The following CDKN2B variants were observed in gnomAD, a reference collection of about 807,000 sequenced individuals.
CDKN2B encodes cyclin dependent kinase inhibitor 2B, also known as cyclin-dependent kinase 4 inhibitor B.
Under a neutral mutation model 7.7 loss-of-function variants are expected in CDKN2B, and 8 were observed. The ratio of observed to expected loss-of-function variants is 1.04; its 90% CI spans 0.61 to 1.87. The LOEUF is 1.87. Among genes scored for constraint, CDKN2B ranks in the 40% most tolerant of loss-of-function variants. The pLI, the probability that CDKN2B is intolerant of heterozygous loss-of-function variation, is 0.00. For synonymous variants in CDKN2B, 93 were observed against 95.8 expected (o/e 0.97, Z 0.17); for missense variants, 244 against 213.1 (o/e 1.15, Z -0.90).
At position 22,006,488 on chromosome 9, in the gene CDKN2B, A is replaced by G. The variant is rs1821195614; in HGVS notation, c.157-241T>C. 6.6e-6 allele frequency among the ~76,000 whole-genome samples: 1 copy of G among 152,240 alleles called. No homozygotes were observed. The highest frequency in any genetic ancestry group is 1.5e-5 in the Non-Finnish European group (1 of 68,042). ...ATGCCATTTTATTCTCTAAACGTGCAGAGACAAGAAAGTTGATGGTAAAGT... is the reference window on the plus strand; with the variant it reads ...ATGCCATTTTATTCTCTAAACGTGCGGAGACAAGAAAGTTGATGGTAAAGT... On this transcript the variant is annotated intron_variant, in intron 1 of 1. Coordinates refer to ENST00000276925, the MANE Select transcript of CDKN2B (RefSeq NM_004936.4). This position sits in a 1 kb window ranked among gnomAD's most constrained non-coding sequence, Gnocchi z 6.4.
chr9:22,008,703 T>C (rs1190127826), intron 1 of CDKN2B, 95 bp downstream of exon 1: 1 of 1,611,410 alleles, frequency 6.2e-7, no homozygotes, highest in Admixed American at 1.7e-5. Context: ...CCTGTACAAA[T>C]CTACATCGGC....
In CDKN2B at chr9:22,005,505, C is replaced by T; in HGVS notation, c.*482G>A. On this transcript the variant is annotated 3_prime_UTR_variant, in exon 2 of 2. Transcript: ENST00000276925. This position sits in a 1 kb window ranked among gnomAD's most constrained non-coding sequence, Gnocchi z 4.9. Reference sequence around the variant, plus strand: ...GTCCTCAGTCTTCAGGTTTTCCTTTCTGCCGCTAGGGCCTAAGTTGTGGGT... The same window carrying T: ...GTCCTCAGTCTTCAGGTTTTCCTTTTTGCCGCTAGGGCCTAAGTTGTGGGT... The T allele has an allele frequency of 3.6e-6, 1 of 274,274 alleles. No individual in the cohort carries two copies. The highest frequency in any genetic ancestry group is 5.3e-5 in the East Asian group (1 of 18,932). The allele number at this position is 274,274 out of a possible 1,614,324, so 17.0% of individuals were successfully genotyped here.
At position 22,005,910 on chromosome 9, in the gene CDKN2B, T is replaced by G; in HGVS notation, c.*77A>C. ...TTTCCGCCGCTCCCCGTTGGCAGCC[T>G]TCATCGAATTAGGTGGGTGGGGGTG... is the stretch of plus-strand genomic sequence containing the variant. On this transcript the variant is annotated 3_prime_UTR_variant, in exon 2 of 2. Coordinates refer to ENST00000276925, the MANE Select transcript of CDKN2B (RefSeq NM_004936.4). The surrounding 1 kb of genome is among the most constrained non-coding windows in gnomAD (Gnocchi z 4.9). 2.6e-6 allele frequency: 4 copies of G among 1,559,206 alleles called. No homozygotes were observed. Among genetic ancestry groups the G allele is most frequent in the Middle Eastern group, 2.1e-4 (1 of 4,746 alleles).
In CDKN2B at chr9:22,009,279, C is replaced by T. The variant is rs989710732; in HGVS notation, c.-326G>A. ...GGGTGCGGACGCGTCGCGGAGTCCT[C>T]ACTGCCCCGCCTCGCTCTGGCAGAG... is the stretch of plus-strand genomic sequence containing the variant. On this transcript the variant is annotated 5_prime_UTR_variant, in exon 1 of 2. Transcript: ENST00000276925. The T allele has an allele frequency of 1.2e-5, 6 of 497,212 alleles. No homozygotes were observed. In the South Asian group the frequency reaches 1.3e-4, roughly 11 times the overall value. 30.8% of individuals were successfully genotyped at this position (497,212 alleles called of 1,614,324 possible). A position where few individuals can be genotyped will look rare whatever the true frequency, so the allele number is the denominator to read the frequency against.
upstream of CDKN2B, chr9:22,009,307 G>T: frequency 2.3e-6 from 1 of 432,772 alleles, no homozygotes; most frequent in Non-Finnish European, 4.1e-6. Context: ...TGGCAGAGTG[G>T]GGAGCCAGCC....
At position 22,003,816 on chromosome 9, in the gene CDKN2B, C is replaced by T. The variant is rs1821039728; in HGVS notation, c.*2171G>A. The T allele has an allele frequency of 4.3e-6, 1 of 231,594 alleles. No individual in the cohort carries two copies. Among genetic ancestry groups the T allele is most frequent in the African/African-American group, 2.2e-5 (1 of 45,334 alleles). 14.3% of individuals were successfully genotyped at this position (231,594 alleles called of 1,614,324 possible). Reference sequence around the variant, plus strand: ...TTTTCAAACAAACCGTTTATATTTACTAGAAGTTAGAGAAAGAAAAGCCAC... The same window carrying T: ...TTTTCAAACAAACCGTTTATATTTATTAGAAGTTAGAGAAAGAAAAGCCAC... On this transcript the variant is annotated 3_prime_UTR_variant, in exon 2 of 2. Coordinates refer to ENST00000276925, the MANE Select transcript of CDKN2B (RefSeq NM_004936.4).
At position 22,006,155 on chromosome 9, in the gene CDKN2B, C is replaced by G. The variant is rs142570894; in HGVS notation, c.249G>C (p.Pro83=). 2 of 1,611,650 alleles carry G rather than the reference C, an allele frequency of 1.2e-6. No individual in the cohort carries two copies. The highest frequency in any genetic ancestry group is 1.3e-5 in the African/African-American group (1 of 75,046). ...AGCCCTCCCGGGCAGCATCATGCAC[C>G]GGTCGGGTGAGAGTGGCAGGGTCTG... ...NCADPATLTR[P]VHDAAREGFL... Residue 83 remains proline (P), a synonymous_variant, in exon 2 of 2, where the codon CCG becomes CCC. Transcript: ENST00000276925. This position sits in a 1 kb window ranked among gnomAD's most constrained non-coding sequence, Gnocchi z 6.4.
Position 22,005,705 on chromosome 9 carries a change from A to G in CDKN2B, c.*282T>C. On this transcript the variant is annotated 3_prime_UTR_variant, in exon 2 of 2. Coordinates refer to ENST00000276925, the MANE Select transcript of CDKN2B (RefSeq NM_004936.4). This position sits in a 1 kb window ranked among gnomAD's most constrained non-coding sequence, Gnocchi z 4.9. Reference sequence around the variant, plus strand: ...GCACTTTCCCTCAGAAAACCCTGAAAAGCAAACGACCCCTGGAATGTCACA... The same window carrying G: ...GCACTTTCCCTCAGAAAACCCTGAAGAGCAAACGACCCCTGGAATGTCACA... 3.6e-6 allele frequency: 2 copies of G among 553,310 alleles called. No homozygotes were observed. Among genetic ancestry groups the G allele is most frequent in the Non-Finnish European group, 3.3e-6 (1 of 307,524 alleles). 34.3% of individuals were successfully genotyped at this position (553,310 alleles called of 1,614,324 possible). A position where few individuals can be genotyped will look rare whatever the true frequency, so the allele number is the denominator to read the frequency against.
Position 22,006,342 on chromosome 9 carries a change from C to G in CDKN2B, c.157-95G>C. 9 of 1,537,022 alleles carry G rather than the reference C, an allele frequency of 5.9e-6. No homozygotes were observed. Among genetic ancestry groups the G allele is most frequent in the Non-Finnish European group, 7.9e-6 (9 of 1,137,202 alleles). On this transcript the variant is annotated intron_variant, in intron 1 of 1. Transcript: ENST00000276925. This position sits in a 1 kb window ranked among gnomAD's most constrained non-coding sequence, Gnocchi z 6.4. ...CAGGTGGAGCCATTTAAAGAAACAC[C>G]TAATTGCAAAGTTTTCACCCAGTGC...
chr9:22,003,775 TGAC>T lies in CDKN2B; in HGVS notation c.*2209_*2211del. ...TGGGGGGGGTTATTCTCCATATTGT[TGAC>T]ATTTTAAAATAGTTTTCAAACAAAC... On this transcript the variant is annotated 3_prime_UTR_variant, in exon 2 of 2. Coordinates refer to ENST00000276925, the MANE Select transcript of CDKN2B (RefSeq NM_004936.4). 4.3e-6 allele frequency: 1 copy of T among 232,320 alleles called. No homozygotes were observed. The highest frequency in any genetic ancestry group is 8.5e-6 in the Non-Finnish European group (1 of 117,488). The allele number at this position is 232,320 out of a possible 1,614,324, so 14.4% of individuals were successfully genotyped here.
chr9:22,008,591 A>G, intron 1 of CDKN2B: 1 of 1,444,704 alleles, frequency 6.9e-7, no homozygotes, highest in East Asian at 2.4e-5. Context: ...AAACCACTAA[A>G]AAAAGCTTAA....
rs1014143537 is a variant in CDKN2B at position 22,003,006 on chromosome 9, G to A, written c.*2981C>T. On this transcript the variant is annotated 3_prime_UTR_variant, in exon 2 of 2. Transcript: ENST00000276925. ...TTGGTAATGTCTTAGGTTTAGATACGAACTTAACAGGTATATTTAATTTTC... is the reference window on the plus strand; with the variant it reads ...TTGGTAATGTCTTAGGTTTAGATACAAACTTAACAGGTATATTTAATTTTC... 3 of 203,042 alleles carry A rather than the reference G, an allele frequency of 1.5e-5. No homozygotes were observed. The highest frequency in any genetic ancestry group is 6.0e-5 in the Admixed American group (1 of 16,684). 12.6% of individuals were successfully genotyped at this position (203,042 alleles called of 1,614,324 possible).
In CDKN2B at chr9:22,003,722, C is replaced by T. The variant is rs1017677769; in HGVS notation, c.*2265G>A. ...AAATGGAGGTTCCATTATCTTTGTTCCAAAAATTTGGGTTTTTATAGGTGT... is the reference window on the plus strand; with the variant it reads ...AAATGGAGGTTCCATTATCTTTGTTTCAAAAATTTGGGTTTTTATAGGTGT... On this transcript the variant is annotated 3_prime_UTR_variant, in exon 2 of 2. Coordinates refer to ENST00000276925, the MANE Select transcript of CDKN2B (RefSeq NM_004936.4). 1 of 231,744 alleles carries T rather than the reference C, an allele frequency of 4.3e-6. No homozygotes were observed. The highest frequency in any genetic ancestry group is 5.6e-5 in the Admixed American group (1 of 17,722). 14.4% of individuals were successfully genotyped at this position (231,744 alleles called of 1,614,324 possible).
rs1164907298 is a variant in CDKN2B at position 22,009,216 on chromosome 9, G to C, written c.-263C>G. 1 of 594,938 alleles carries C rather than the reference G, an allele frequency of 1.7e-6. No individual in the cohort carries two copies. Among genetic ancestry groups the C allele is most frequent in the Non-Finnish European group, 3.0e-6 (1 of 335,486 alleles). 36.9% of individuals were successfully genotyped at this position (594,938 alleles called of 1,614,324 possible). On this transcript the variant is annotated 5_prime_UTR_variant, in exon 1 of 2. Transcript: ENST00000276925. Reference sequence around the variant, plus strand: ...GATTGCTTCTGGGAAAAAGCGCCTAGCGCGGACGCAGCCGAGCTCAAAGCC... The same window carrying C: ...GATTGCTTCTGGGAAAAAGCGCCTACCGCGGACGCAGCCGAGCTCAAAGCC...
chr9:22,008,903 A>C lies in CDKN2B; in HGVS notation c.51T>G (p.Gly17=), dbSNP rs1821341387. ...GTCCCCGCGCCGCGGCGCTGGCCAG[A>C]CCCTCATCGCTGCCGCCCCCACTGG... ...GMPSGGGSDE[G]LASAAARGLV... The change falls in exon 1 of 2, where the codon GGT becomes GGG. Residue 17 remains glycine (G), a synonymous_variant. Transcript: ENST00000276925. The C allele has an allele frequency of 6.2e-7, 1 of 1,612,848 alleles. No homozygotes were observed. Among genetic ancestry groups the C allele is most frequent in the South Asian group, 1.1e-5 (1 of 91,056 alleles).
Position 22,009,040 on chromosome 9 carries a change from T to G in CDKN2B, c.-87A>C, listed in dbSNP as rs967037270. On this transcript the variant is annotated 5_prime_UTR_variant, in exon 1 of 2. Transcript: ENST00000276925. ...ACTCTTCCCTTCTTTCCCACGCTGC[T>G]CCGGCGCACTCTCTCCTTCCTAGGA... 1.3e-6 allele frequency: 2 copies of G among 1,578,136 alleles called. No homozygotes were observed. Among genetic ancestry groups the G allele is most frequent in the Non-Finnish European group, 8.7e-7 (1 of 1,149,452 alleles).
chr9:22,009,287 C>G lies in CDKN2B; in HGVS notation c.-334G>C. 4.2e-6 allele frequency: 2 copies of G among 477,634 alleles called. No individual in the cohort carries two copies. Among genetic ancestry groups the G allele is most frequent in the East Asian group, 4.0e-5 (1 of 25,296 alleles). The allele number at this position is 477,634 out of a possible 1,614,324, so 29.6% of individuals were successfully genotyped here. A position where few individuals can be genotyped will look rare whatever the true frequency, so the allele number is the denominator to read the frequency against. Reference sequence around the variant, plus strand: ...ACGCGTCGCGGAGTCCTCACTGCCCCGCCTCGCTCTGGCAGAGTGGGGAGC... The same window carrying G: ...ACGCGTCGCGGAGTCCTCACTGCCCGGCCTCGCTCTGGCAGAGTGGGGAGC... On this transcript the variant is annotated 5_prime_UTR_variant, in exon 1 of 2. Coordinates refer to ENST00000276925, the MANE Select transcript of CDKN2B (RefSeq NM_004936.4).
rs1821133007 is a variant in CDKN2B, at chr9:22,005,577, G to A, written c.*410C>T. On this transcript the variant is annotated 3_prime_UTR_variant, in exon 2 of 2. Coordinates refer to ENST00000276925, the MANE Select transcript of CDKN2B (RefSeq NM_004936.4). The surrounding 1 kb of genome is among the most constrained non-coding windows in gnomAD (Gnocchi z 4.9). The stretch of plus-strand genomic sequence containing the variant: ...CATTGGAGTGAACGCATCGACTGCC[G>A]TCACCCAAGTGCTAATCACTGCCTT... 5.0e-6 allele frequency: 2 copies of A among 398,310 alleles called. No individual in the cohort carries two copies. The highest frequency in any genetic ancestry group is 4.7e-6 in the Non-Finnish European group (1 of 214,654). 24.7% of individuals were successfully genotyped at this position (398,310 alleles called of 1,614,324 possible).
rs891936253 is a variant in CDKN2B, at chr9:22,004,945, T to C, written c.*1042A>G. 2.1e-5 allele frequency: 5 copies of C among 233,192 alleles called. No individual in the cohort carries two copies. Among genetic ancestry groups the C allele is most frequent in the African/African-American group, 1.1e-4 (5 of 45,356 alleles). 14.4% of individuals were successfully genotyped at this position (233,192 alleles called of 1,614,324 possible). A position where few individuals can be genotyped will look rare whatever the true frequency, so the allele number is the denominator to read the frequency against. On this transcript the variant is annotated 3_prime_UTR_variant, in exon 2 of 2. Coordinates refer to ENST00000276925, the MANE Select transcript of CDKN2B (RefSeq NM_004936.4). ...TTGCACTGAGTTTGCAACAGTGCCA[T>C]TGCTACATTTAAGAGCTGTAGTTCT... is the stretch of plus-strand genomic sequence containing the variant.
Sources: allele counts gnomAD v4.1 joint callset (sites outside exome capture counted in the v4.1 genomes callset), GRCh38; gene constraint gnomAD v4.1.1; non-coding constraint Gnocchi (gnomAD v3.1); transcripts MANE v1.5; gene names NCBI Gene and HGNC (gene_info 2026-07-23, HGNC 2026-07-21).